MYBL2: variants seen among roughly 807,000 people sequenced by gnomAD.
The protein encoded by MYBL2 is MYB proto-oncogene like 2, also known as myb-related protein B.
Under a neutral mutation model 79.9 loss-of-function variants are expected in MYBL2, and 28 were observed. That is an observed-to-expected ratio of 0.35 (90% CI 0.26 to 0.48). The LOEUF (loss-of-function observed/expected upper bound fraction) is 0.48. MYBL2 is among the 20% of genes least tolerant of loss of function. The pLI, the probability that MYBL2 is intolerant of heterozygous loss-of-function variation, is 0.99. For synonymous variants in MYBL2, 378 were observed against 361.2 expected, an observed-to-expected ratio of 1.05 and a Z score of -0.53; for missense variants, 735 against 893.9, an observed-to-expected ratio of 0.82 and a Z score of 2.27.
At chr20:43,698,857 T>TA (rs1987620037) in intron 6 of MYBL2, among the ~76,000 whole-genome samples, 1 of 105,422 alleles carries the variant, frequency 9.5e-6, no homozygotes, top group African/African-American at 3.6e-5. Context: ...CTTTTTTTTT[T>TA]ATTAGAGTCT....
At chr20:43,715,431 C>T (rs1360534758) in intron 13 of MYBL2, 148 bp downstream of exon 13, 1 of 1,350,864 alleles carries the variant, frequency 7.4e-7, no homozygotes, top group East Asian at 2.3e-5. Context: ...GGTGCTTTTC[C>T]TGCTACTTCC....
At chr20:43,712,032 C>T (rs1341706897) in intron 11 of MYBL2, among the ~76,000 whole-genome samples, 1 of 151,038 alleles carries the variant, frequency 6.6e-6, no homozygotes, top group East Asian at 2.0e-4. Flanking sequence ...GCGAGGCGGT[C>T]GGGATGAGCC....
chr20:43,674,795 G>A (rs1419705887), intron 2 of MYBL2, among the ~76,000 whole-genome samples: 1 of 152,068 alleles, frequency 6.6e-6, no homozygotes, highest in African/African-American at 2.4e-5. Flanking sequence ...GCCTCCCAAA[G>A]TGCTGGGATT....
chr20:43,714,701 C>T (rs1987988054), intron 12 of MYBL2, among the ~76,000 whole-genome samples: 2 of 152,036 alleles, frequency 1.3e-5, no homozygotes, highest in South Asian at 4.1e-4. Context: ...AATCTCGGCT[C>T]ACTGCAAGCT....
chr20:43,697,060 T>C (rs1987562472), intron 6 of MYBL2, among the ~76,000 whole-genome samples: 2 of 41,908 alleles, frequency 4.8e-5, no homozygotes, highest in Admixed American at 4.4e-4. Flanking sequence ...TTGGGTAAAA[T>C]AGTGTGGACA....
intron 13 of MYBL2, 137 bp downstream of exon 13, chr20:43,715,420 G>T: frequency 7.1e-7 from 1 of 1,413,048 alleles, no homozygotes; most frequent in Non-Finnish European, 9.5e-7. Flanking sequence ...TCCTCTGCCT[G>T]GGTGCTTTTC....
chr20:43,683,471 C>G (rs548591490), intron 4 of MYBL2, among the ~76,000 whole-genome samples: 4 of 152,046 alleles, frequency 2.6e-5, no homozygotes, highest in South Asian at 2.1e-4. Flanking sequence ...CATCTCTTCT[C>G]CTCGATACCA....
chr20:43,690,640 C>T (rs914514327), intron 5 of MYBL2, among the ~76,000 whole-genome samples: 5 of 152,206 alleles, frequency 3.3e-5, no homozygotes, highest in African/African-American at 1.2e-4. Flanking sequence ...CGAGGATATT[C>T]TCTTAGACTG....
At chr20:43,709,903 C>A in intron 9 of MYBL2, 60 bp from the exon 10 acceptor site, 2 of 1,382,856 alleles carry the variant, frequency 1.4e-6, no homozygotes, top group South Asian at 2.7e-5. Context: ...GCCAGGGCAG[C>A]AGAGTGCCTG....
At chr20:43,697,578 G>A (rs943322567) in intron 6 of MYBL2, among the ~76,000 whole-genome samples, 4 of 148,964 alleles carry the variant, frequency 2.7e-5, no homozygotes, top group African/African-American at 7.4e-5. Flanking sequence ...GCCTCTGCAC[G>A]CCAGCCTGGG....
chr20:43,682,725 T>C, intron 3 of MYBL2, 69 bp from the exon 4 acceptor site: 1 of 1,480,298 alleles, frequency 6.8e-7, no homozygotes, highest in Non-Finnish European at 9.4e-7. Context: ...GCCTAGTACT[T>C]AACCAGGCCC....
At chr20:43,702,307 AAAG>A (rs1244861083) in intron 7 of MYBL2, among the ~76,000 whole-genome samples, 180 bp from the exon 8 acceptor site, 24 of 152,180 alleles carry the variant, frequency 1.6e-4, no homozygotes, top group Admixed American at 1.4e-3. Context: ...TCTTTAAAGA[AAAG>A]AAGAATCTAT....
chr20:43,686,822 C>A, intron 4 of MYBL2, 30 bp from the exon 5 acceptor site: 1 of 1,606,684 alleles, frequency 6.2e-7, no homozygotes, highest in Non-Finnish European at 8.5e-7. Flanking sequence ...GGGGCCGGTG[C>A]AAGTGGCTAC....
intron 5 of MYBL2, among the ~76,000 whole-genome samples, chr20:43,691,059 T>A (rs2145720743): frequency 6.6e-6 from 1 of 152,364 alleles, no homozygotes; most frequent in South Asian, 2.1e-4. Flanking sequence ...TGATGGAGTA[T>A]GACGTAGTCT....
chr20:43,689,537 C>T (rs1405638307), intron 5 of MYBL2, among the ~76,000 whole-genome samples: 3 of 152,162 alleles, frequency 2.0e-5, no homozygotes, highest in Non-Finnish European at 2.9e-5. Context: ...AGTGCACTCC[C>T]GCTTGTGCCT....
chr20:43,713,168 G>T, intron 12 of MYBL2, 62 bp downstream of exon 12: 2 of 1,221,484 alleles, frequency 1.6e-6, no homozygotes, highest in Non-Finnish European at 1.1e-6. Flanking sequence ...TGGAGTTAGT[G>T]TAGTGACTCT....
chr20:43,667,145 A>T lies in MYBL2; in HGVS notation c.-139A>T, dbSNP rs1568840104. 2.7e-6 allele frequency: 1 copy of T among 370,938 alleles called. No homozygotes were observed. The highest frequency in any genetic ancestry group is 4.3e-6 in the Non-Finnish European group (1 of 233,972). The allele number at this position is 370,938 out of a possible 1,614,324, so 23.0% of individuals were successfully genotyped here. On this transcript the variant is annotated 5_prime_UTR_variant, in exon 1 of 14. Coordinates refer to ENST00000217026, the MANE Select transcript of MYBL2 (RefSeq NM_002466.4). ...AGTTCCTGCGAGCGAGGAGCGCGGGACCTGCTGACACGCTGACGCCTTCGA... is the reference window on the plus strand; with the variant it reads ...AGTTCCTGCGAGCGAGGAGCGCGGGTCCTGCTGACACGCTGACGCCTTCGA...
Position 43,699,886 on chromosome 20 carries a change from C to G in MYBL2, c.793C>G (p.Arg265Gly). Residue 265 changes from arginine to glycine, a missense_variant, in exon 7 of 14, where the codon CGA (arginine) becomes GGA (glycine). This residue lies in a region of MYBL2 where 144 missense variants were observed against 131.9 expected (regional missense o/e 1.09). Coordinates refer to ENST00000217026, the MANE Select transcript of MYBL2 (RefSeq NM_002466.4). ...EPIGTDLDAV[R>G]TPEPLEEFPK... Reference sequence around the variant, plus strand: ...CATCGGTACAGATCTGGACGCAGTGCGAACACCAGAGCCCTTGGAGGAATT... The same window carrying G: ...CATCGGTACAGATCTGGACGCAGTGGGAACACCAGAGCCCTTGGAGGAATT... 2 of 1,614,004 alleles carry G rather than the reference C, an allele frequency of 1.2e-6. No individual in the cohort carries two copies. The highest frequency in any genetic ancestry group is 1.7e-6 in the Non-Finnish European group (2 of 1,179,964).
chr20:43,683,252 A>C (rs747455497), intron 4 of MYBL2, among the ~76,000 whole-genome samples: 12 of 152,214 alleles, frequency 7.9e-5, no homozygotes, highest in Admixed American at 1.3e-4. Context: ...AGCTGCTGCT[A>C]TCCCTGATTT....
Sources: gnomAD v4.1 joint callset for allele counts (sites outside exome capture counted in the v4.1 genomes callset) on GRCh38, gnomAD v4.1.1 for gene constraint, gnomAD v4.1.1 regional missense constraint, MANE v1.5 for transcripts, NCBI Gene and HGNC (gene_info 2026-07-23, HGNC 2026-07-21) for gene names.